PDCD4: variants seen among roughly 807,000 people sequenced by gnomAD.
PDCD4 encodes programmed cell death 4.
Under a neutral mutation model 54.0 loss-of-function variants are expected in PDCD4, and 56 were observed. The ratio of observed to expected loss-of-function variants is 1.04; its 90% CI spans 0.84 to 1.30. The LOEUF (loss-of-function observed/expected upper bound fraction) is 1.30. Among genes scored for constraint, PDCD4 ranks in the 50% most tolerant of loss-of-function variants. The pLI is 0.00. For missense variants in PDCD4, 584 were observed against 559.8 expected (o/e 1.04, Z -0.44); for synonymous variants, 186 against 194.8 (o/e 0.95, Z 0.37).
At chr10:110,886,541 A>G (rs796551144) in intron 5 of PDCD4, among the ~76,000 whole-genome samples, 17 of 152,272 alleles carry the variant, frequency 1.1e-4, no homozygotes, top group African/African-American at 3.8e-4. Flanking sequence ...CTCTCTTAGT[A>G]GTATATCATG....
intron 5 of PDCD4, among the ~76,000 whole-genome samples, chr10:110,885,601 T>G (rs1845658712): frequency 1.3e-5 from 2 of 151,898 alleles, no homozygotes; most frequent in African/African-American, 4.8e-5. Flanking sequence ...AATATTTTTA[T>G]AATTTTTATA....
chr10:110,881,124 C>T lies in PDCD4; in HGVS notation c.44-109C>T, dbSNP rs73343813. On this transcript the variant is annotated intron_variant, in intron 2 of 11. Transcript: ENST00000280154. The stretch of plus-strand genomic sequence containing the variant: ...CCAATATGTGACTGTAATTTACCTA[C>T]AAAAATGGTAATGTCATGTGATTCA... 4,973 of 741,818 alleles carry T rather than the reference C, an allele frequency of 6.7e-3. 171 individuals are homozygous for T. In the African/African-American group the frequency reaches 0.076, roughly 11 times the overall value. The allele number at this position is 741,818 out of a possible 1,614,324, so 46.0% of individuals were successfully genotyped here. A position where few individuals can be genotyped will look rare whatever the true frequency, so the allele number is the denominator to read the frequency against.
At chr10:110,889,706 G>A (rs1487229386) in intron 7 of PDCD4, 76 bp downstream of exon 7, 1 of 803,160 alleles carries the variant, frequency 1.2e-6, no homozygotes, top group Non-Finnish European at 2.2e-6. Flanking sequence ...AATGACACTT[G>A]TGTTAATCAG....
Position 110,885,344 on chromosome 10 carries a change from A to G in PDCD4, c.533A>G (p.His178Arg), listed in dbSNP as rs1351374271. ...LTPIIQEYFE[H>R]GDTNEVAEML... ...CCAATCATACAGGAATATTTTGAGCATGGAGATACTAATGAAGTTGCGGTA... is the reference window on the plus strand; with the variant it reads ...CCAATCATACAGGAATATTTTGAGCGTGGAGATACTAATGAAGTTGCGGTA... The change falls in exon 5 of 12, where the codon CAT becomes CGT. Residue 178 changes from histidine to arginine, a missense_variant. Transcript: ENST00000280154. 1.3e-6 allele frequency: 2 copies of G among 1,563,484 alleles called. No homozygotes were observed. The highest frequency in any genetic ancestry group is 2.3e-5 in the East Asian group (1 of 43,836).
chr10:110,898,260 CTTTT>C lies in PDCD4; in HGVS notation c.*179_*182del, dbSNP rs138010548. On this transcript the variant is annotated 3_prime_UTR_variant, in exon 12 of 12. Transcript: ENST00000280154. The stretch of plus-strand genomic sequence containing the variant: ...GGAATTTTTAAAGGAAATGTTTTTT[CTTTT>C]TTTTTTGTTTTTCGAGGGGGCAAGG... 3,830 of 340,068 alleles carry C rather than the reference CTTTT, an allele frequency of 0.011. 110 individuals carry two copies. Among genetic ancestry groups the C allele is most frequent in the East Asian group, 0.1 (2,474 of 23,834 alleles). The allele number at this position is 340,068 out of a possible 1,614,324, so 21.1% of individuals were successfully genotyped here. A position where few individuals can be genotyped will look rare whatever the true frequency, so the allele number is the denominator to read the frequency against.
intron 5 of PDCD4, among the ~76,000 whole-genome samples, chr10:110,886,497 C>T (rs7905180): frequency 0.021 from 3,258 of 152,204 alleles, 127 homozygotes; most frequent in African/African-American, 0.075. Context: ...CTAACAAGGA[C>T]ACCAGTTACG....
chr10:110,875,401 G>A (rs1246458979), intron 1 of PDCD4, among the ~76,000 whole-genome samples: 1 of 152,046 alleles, frequency 6.6e-6, no homozygotes, highest in Admixed American at 6.5e-5. Context: ...GATTTTAAAA[G>A]TTTCTCCCAA....
At chr10:110,895,372 C>T (rs1479429210) in intron 10 of PDCD4, among the ~76,000 whole-genome samples, 4 of 152,062 alleles carry the variant, frequency 2.6e-5, no homozygotes, top group Admixed American at 2.6e-4. Context: ...GGATAATGGC[C>T]TCCAGCTGCA....
intron 1 of PDCD4, chr10:110,872,351 C>T (rs199960190): frequency 1.4e-3 from 209 of 152,480 alleles, no homozygotes; most frequent in African/African-American, 4.6e-3. Flanking sequence ...GAAGGTCCCC[C>T]TCAGCCCTCC....
intron 2 of PDCD4, among the ~76,000 whole-genome samples, chr10:110,876,488 A>G (rs1238888745): frequency 1.3e-5 from 2 of 152,136 alleles, no homozygotes; most frequent in Admixed American, 6.5e-5. Flanking sequence ...TACATGTCCT[A>G]TTTTTCTGCC....
chr10:110,876,175 T>C (rs1342127011), intron 2 of PDCD4, 105 bp downstream of exon 2: 5 of 836,876 alleles, frequency 6.0e-6, no homozygotes, highest in Middle Eastern at 3.4e-4. Flanking sequence ...CACTGCAGTT[T>C]TGACTTTCCT....
chr10:110,872,345 GTCCCCCTCAGCCCTCC>G (rs1483201394), intron 1 of PDCD4: 2 of 152,410 alleles, frequency 1.3e-5, no homozygotes, highest in Non-Finnish European at 2.9e-5. Context: ...GCCCTTGAAG[GTCCCCCTCAGCCCTCC>G]TCCCCCTCTG....
At chr10:110,885,545 G>A (rs1406712910) in intron 5 of PDCD4, among the ~76,000 whole-genome samples, 179 bp downstream of exon 5, 1 of 151,910 alleles carries the variant, frequency 6.6e-6, no homozygotes, top group Non-Finnish European at 1.5e-5. Context: ...ATATATTTGG[G>A]ATGTGATGAG....
At chr10:110,876,770 A>T (rs1237283360) in intron 2 of PDCD4, 1 of 922,942 alleles carries the variant, frequency 1.1e-6, no homozygotes, top group Non-Finnish European at 1.6e-6. Flanking sequence ...AACTCAAGAT[A>T]ATTTAAAATG....
At chr10:110,888,323 A>G (rs1055845421) in intron 6 of PDCD4, among the ~76,000 whole-genome samples, 2 of 152,180 alleles carry the variant, frequency 1.3e-5, no homozygotes, top group African/African-American at 4.8e-5. Context: ...AAAGTTTTTA[A>G]TCAAGGTAAA....
At position 110,883,172 on chromosome 10, in the gene PDCD4, A is replaced by G. The variant is rs371375229; in HGVS notation, c.441+75A>G. 7.6e-5 allele frequency: 70 copies of G among 918,346 alleles called. No individual in the cohort carries two copies. In the East Asian group the frequency reaches 1.2e-3, roughly 16 times the overall value. The allele number at this position is 918,346 out of a possible 1,614,324, so 56.9% of individuals were successfully genotyped here. A position where few individuals can be genotyped will look rare whatever the true frequency, so the allele number is the denominator to read the frequency against. ...TTGACTTCATGTTTGTAGTTTACTC[A>G]TACATGTGTCAAATCATATGTATAA... On this transcript the variant is annotated intron_variant, in intron 4 of 11. Coordinates refer to ENST00000280154, the MANE Select transcript of PDCD4 (RefSeq NM_014456.5).
chr10:110,895,539 T>C (rs1564686107), intron 10 of PDCD4, among the ~76,000 whole-genome samples: 1 of 152,156 alleles, frequency 6.6e-6, no homozygotes, highest in South Asian at 2.1e-4. Flanking sequence ...CCGATAAATA[T>C]ACAAATGCAG....
In PDCD4 at chr10:110,889,564, G is replaced by A. The variant is rs1430507077; in HGVS notation, c.809G>A (p.Gly270Glu). ...GGCCAGTTTATTGCTAGAGCTGTTG[G>A]AGATGGAATTTTATGTAATACCTAT... ...LVGQFIARAV[G>E]DGILCNTYID... The change falls in exon 7 of 12, where the codon GGA becomes GAA. Residue 270 changes from glycine to glutamate, a missense_variant. Physicochemically the swap from Gly to Glu is moderately conservative, Grantham distance 98. Transcript: ENST00000280154. 1.2e-6 allele frequency: 2 copies of A among 1,607,194 alleles called. No homozygotes were observed. The highest frequency in any genetic ancestry group is 3.3e-5 in the Admixed American group (2 of 59,894).
intron 1 of PDCD4, among the ~76,000 whole-genome samples, chr10:110,873,323 A>G (rs190676658): frequency 6.6e-6 from 1 of 152,244 alleles, no homozygotes; most frequent in African/African-American, 2.4e-5. Flanking sequence ...TTAAGCTGCT[A>G]ATTAGCCGTT....
Sources: allele counts gnomAD v4.1 joint callset (sites outside exome capture counted in the v4.1 genomes callset), GRCh38; gene constraint gnomAD v4.1.1; transcripts MANE v1.5; gene names NCBI Gene and HGNC (gene_info 2026-07-23, HGNC 2026-07-21).